The following NRG3 variants were observed in gnomAD, a reference collection of about 807,000 sequenced individuals.
The protein encoded by NRG3 is neuregulin 3.
A neutral mutation model predicts 66.9 loss-of-function variants in NRG3; 31 were observed. That is an observed-to-expected ratio of 0.46 (90% CI 0.35 to 0.63). The LOEUF (loss-of-function observed/expected upper bound fraction) is 0.63. Among genes scored for constraint, NRG3 ranks in the 20% least tolerant of loss-of-function variants. The probability of loss-of-function intolerance (pLI) is 0.00; values close to 1 mark genes in which losing one functional copy is unlikely to be tolerated. For missense variants in NRG3, 910 were observed against 878.9 expected (o/e 1.04, Z -0.45); for synonymous variants, 393 against 359.4 (o/e 1.09, Z -1.06).
At chr10:82,856,614 C>G (rs781393549) in intron 3 of NRG3, among the ~76,000 whole-genome samples, 2 of 151,208 alleles carry the variant, frequency 1.3e-5, no homozygotes, top group Non-Finnish European at 2.9e-5. Context: ...GCATGGTGGC[C>G]GTGCCTGTAA....
intron 1 of NRG3, among the ~76,000 whole-genome samples, chr10:82,213,574 A>G (rs1228845927): frequency 6.6e-6 from 1 of 152,160 alleles, no homozygotes; most frequent in Non-Finnish European, 1.5e-5. Context: ...TGTTAGATAA[A>G]TGATATGGAA....
At chr10:82,293,351 A>C (rs2079854208) in intron 1 of NRG3, among the ~76,000 whole-genome samples, 1 of 152,082 alleles carries the variant, frequency 6.6e-6, no homozygotes, top group Admixed American at 6.5e-5. Flanking sequence ...ATACTTGAAG[A>C]CCACAATTCT....
At chr10:81,907,225 A>ACTT (rs1844681444) in intron 1 of NRG3, among the ~76,000 whole-genome samples, 1 of 152,210 alleles carries the variant, frequency 6.6e-6, no homozygotes, top group African/African-American at 2.4e-5. Flanking sequence ...AACAAGTAAT[A>ACTT]GACTTGGTTT....
intron 1 of NRG3, among the ~76,000 whole-genome samples, chr10:81,894,642 T>G (rs1325118953): frequency 1.3e-5 from 2 of 152,092 alleles, no homozygotes; most frequent in African/African-American, 4.8e-5. Context: ...ATAAAATAAT[T>G]TAAAACAGTC....
At chr10:82,215,963 CTTTTTTTTT>C (rs71894841) in intron 1 of NRG3, among the ~76,000 whole-genome samples, 1 of 89,722 alleles carries the variant, frequency 1.1e-5, no homozygotes, top group Non-Finnish European at 2.1e-5. Context: ...TTATGTTTTC[CTTTTTTTTT>C]TTTTTTTTTT....
At chr10:82,100,107 C>T (rs1477907840) in intron 1 of NRG3, among the ~76,000 whole-genome samples, 2 of 151,634 alleles carry the variant, frequency 1.3e-5, no homozygotes, top group Non-Finnish European at 2.9e-5. Context: ...TTGTCACTTC[C>T]AGAATTTTTG....
chr10:82,889,219 CAA>C (rs1436570754), intron 4 of NRG3, among the ~76,000 whole-genome samples: 1 of 152,052 alleles, frequency 6.6e-6, no homozygotes, highest in African/African-American at 2.4e-5. Context: ...GTGACCTGAA[CAA>C]AGATTTCAGC....
intron 1 of NRG3, among the ~76,000 whole-genome samples, chr10:82,183,499 A>G (rs1047310514): frequency 3.3e-5 from 5 of 152,030 alleles, no homozygotes. Context: ...TTGCTTTTTA[A>G]ACTATATCTT....
chr10:82,787,729 C>T (rs1466665018), intron 3 of NRG3, among the ~76,000 whole-genome samples: 2 of 152,274 alleles, frequency 1.3e-5, no homozygotes, highest in Non-Finnish European at 2.9e-5. Context: ...TGTTACTGCT[C>T]TTTTTTCAGT....
intron 1 of NRG3, among the ~76,000 whole-genome samples, chr10:82,175,698 T>C (rs2072976532): frequency 6.6e-6 from 1 of 152,186 alleles, no homozygotes. Context: ...AATTGGACTG[T>C]AAGTCCTTAG....
chr10:82,874,241 G>T (rs970199257), intron 4 of NRG3, among the ~76,000 whole-genome samples: 2 of 152,050 alleles, frequency 1.3e-5, no homozygotes, highest in Non-Finnish European at 2.9e-5. Context: ...CTGTTTAGAT[G>T]ATAGGAAGTG....
intron 1 of NRG3, among the ~76,000 whole-genome samples, chr10:82,354,241 A>G (rs78342739): frequency 0.012 from 1,754 of 151,174 alleles, 34 homozygotes; most frequent in African/African-American, 0.04. Flanking sequence ...GGGTCTCCCT[A>G]TGTTGTCGAG....
chr10:82,791,312 T>G lies in NRG3; in HGVS notation c.1027+52662T>G, dbSNP rs76738952. On this transcript the variant is annotated intron_variant, in intron 3 of 8. Transcript: ENST00000372141. Reference sequence around the variant, plus strand: ...ATGTTTATTGCTGTTTTTTTTTTGGTTTTTTTTTCATTTTTGGTAACTTTC... The same window carrying G: ...ATGTTTATTGCTGTTTTTTTTTTGGGTTTTTTTTCATTTTTGGTAACTTTC... Among the ~76,000 whole-genome samples the G allele has an allele frequency of 6.8e-3, 1,029 of 150,348 alleles. 15 individuals are homozygous for G. Among genetic ancestry groups the G allele is most frequent in the African/African-American group, 0.023 (952 of 41,094 alleles).
At chr10:82,738,710 A>G in intron 3 of NRG3, 60 bp downstream of exon 3, 1 of 1,392,278 alleles carries the variant, frequency 7.2e-7, no homozygotes, top group South Asian at 1.2e-5. Context: ...ATTCTGAGCA[A>G]TGGTTGTTAA....
At chr10:81,997,224 C>T (rs1324762157) in intron 1 of NRG3, among the ~76,000 whole-genome samples, 1 of 152,172 alleles carries the variant, frequency 6.6e-6, no homozygotes, top group Non-Finnish European at 1.5e-5. Context: ...TATGGTGCCT[C>T]TCTAACACTG....
At chr10:82,519,393 T>C (rs1019845906) in intron 2 of NRG3, among the ~76,000 whole-genome samples, 18 of 152,302 alleles carry the variant, frequency 1.2e-4, no homozygotes, top group Admixed American at 5.2e-4. Flanking sequence ...TTAAAAGTCA[T>C]TTGAATATAG....
At chr10:81,907,023 A>G (rs369941681) in intron 1 of NRG3, among the ~76,000 whole-genome samples, 15 of 152,112 alleles carry the variant, frequency 9.9e-5, no homozygotes, top group African/African-American at 3.6e-4. Flanking sequence ...AGAGGTTTGG[A>G]GTGGGGAAGT....
chr10:82,881,664 T>C (rs1842311500), intron 4 of NRG3, among the ~76,000 whole-genome samples: 1 of 152,222 alleles, frequency 6.6e-6, no homozygotes, highest in Non-Finnish European at 1.5e-5. Context: ...CTTCATCTCC[T>C]ATATGCTGTG....
chr10:82,451,991 A>C (rs972884035), intron 2 of NRG3, among the ~76,000 whole-genome samples: 2 of 152,184 alleles, frequency 1.3e-5, no homozygotes, highest in African/African-American at 2.4e-5. Flanking sequence ...ATAGTGGTTA[A>C]GTAGGATTCA....
Sources: allele counts gnomAD v4.1 joint callset (sites outside exome capture counted in the v4.1 genomes callset), GRCh38; gene constraint gnomAD v4.1.1; transcripts MANE v1.5; gene names NCBI Gene and HGNC (gene_info 2026-07-23, HGNC 2026-07-21).